Variants in USPL1 observed in about 807,000 individuals in gnomAD.
USPL1 encodes ubiquitin specific peptidase like 1, also known as SUMO-specific isopeptidase USPL1.
Under a neutral mutation model 51.5 loss-of-function variants are expected in USPL1, and 27 were observed. The ratio of observed to expected loss-of-function variants is 0.52; its 90% confidence interval spans 0.39 to 0.72. The LOEUF is 0.72. Among genes scored for constraint, USPL1 ranks in the 30% least tolerant of loss-of-function variants. The probability of loss-of-function intolerance (pLI) is 0.00; values close to 1 mark genes in which losing one functional copy is unlikely to be tolerated. For synonymous variants in USPL1, 451 were observed against 459.6 expected (o/e 0.98, Z 0.24); for missense variants, 1,226 against 1,268.0 (o/e 0.97, Z 0.50).
At chr13:30,622,129 AG>A (rs764882609) in intron 3 of USPL1, among the ~76,000 whole-genome samples, 3 of 151,992 alleles carry the variant, frequency 2.0e-5, no homozygotes, top group Admixed American at 1.3e-4. Context: ...ATACATTTCA[AG>A]GTTTTTTTCT....
At chr13:30,642,529 A>G (rs1191955939) in intron 5 of USPL1, 99 bp from the exon 6 acceptor site, 3 of 1,418,196 alleles carry the variant, frequency 2.1e-6, no homozygotes, top group Non-Finnish European at 2.9e-6. Flanking sequence ...ACACATATTC[A>G]TGCTGTAAAT....
At chr13:30,656,137 CTTAACCCCACACCACCTG>C (rs766736492) in intron 8 of USPL1, among the ~76,000 whole-genome samples, 2 of 152,346 alleles carry the variant, frequency 1.3e-5, no homozygotes, top group South Asian at 2.1e-4. Flanking sequence ...TATACCCTCC[CTTAACCCCACACCACCTG>C]TTAGCACCTA....
chr13:30,634,082 G>A (rs1950842748), intron 4 of USPL1, among the ~76,000 whole-genome samples: 1 of 152,122 alleles, frequency 6.6e-6, no homozygotes, highest in African/African-American at 2.4e-5. Context: ...ACTTAGAGAA[G>A]CATTTTACAG....
At chr13:30,632,250 A>G (rs1950817151) in intron 4 of USPL1, among the ~76,000 whole-genome samples, 2 of 151,936 alleles carry the variant, frequency 1.3e-5, no homozygotes, top group South Asian at 2.1e-4. Context: ...TTTGCTGAGA[A>G]TGATGGTTTC....
At chr13:30,640,096 TTAC>T (rs1950927457) in intron 5 of USPL1, among the ~76,000 whole-genome samples, 1 of 152,210 alleles carries the variant, frequency 6.6e-6, no homozygotes, top group Admixed American at 6.5e-5. Context: ...GCTGAAGATC[TTAC>T]TAATGAAATG....
rs1950798835 is a variant in USPL1, at chr13:30,631,148, A to G, written c.542A>G (p.Asp181Gly). 6.2e-7 allele frequency: 1 copy of G among 1,614,104 alleles called. No homozygotes were observed. Among genetic ancestry groups the G allele is most frequent in the East Asian group, 2.2e-5 (1 of 44,900 alleles). ...RNEILEADTV[D>G]MATTKDPATV... ...GAGATTTTGGAAGCTGATACTGTTGACATGGCTACTACAAAAGATCCTGCT... is the reference window on the plus strand; with the variant it reads ...GAGATTTTGGAAGCTGATACTGTTGGCATGGCTACTACAAAAGATCCTGCT... The change falls in exon 4 of 9, where the codon GAC becomes GGC. Residue 181 changes from aspartate to glycine, a missense_variant. Physicochemically the swap from Asp to Gly is moderately conservative, Grantham distance 94 (BLOSUM62 -1). Transcript: ENST00000255304.
Position 30,642,673 on chromosome 13 carries a change from T to G in USPL1, c.1028T>G (p.Leu343Arg). Residue 343 changes from leucine (L) to arginine (R), a missense_variant, in exon 6 of 9, where the codon CTA becomes CGA. By Grantham distance (102) the Leu-to-Arg change is moderately radical. Transcript: ENST00000255304. ...TTTGCATTTCCCCTGCTCTTAAAACTAGAAACCCACATTGAAAAGCTCTTC... is the reference window on the plus strand; with the variant it reads ...TTTGCATTTCCCCTGCTCTTAAAACGAGAAACCCACATTGAAAAGCTCTTC... The part of the protein sequence containing the change: ...PVFAFPLLLK[L>R]ETHIEKLFLY... 2.5e-6 allele frequency: 4 copies of G among 1,613,994 alleles called. No individual in the cohort carries two copies. The highest frequency in any genetic ancestry group is 3.4e-6 in the Non-Finnish European group (4 of 1,179,910).
At position 30,621,213 on chromosome 13, in the gene USPL1, C is replaced by G. The variant is rs377303663; in HGVS notation, c.73C>G (p.Leu25Val). The G allele has an allele frequency of 6.3e-7, 1 of 1,599,610 alleles. No homozygotes were observed. The highest frequency in any genetic ancestry group is 1.7e-5 in the Admixed American group (1 of 57,548). The stretch of plus-strand genomic sequence containing the variant: ...AGGGACTGATATAGGGATATCTTCA[C>G]TCCACATGGTGGGGTATTTGGGAAA... Reference protein sequence around the residue: ...GPGTDIGISSLHMVGYLGKNF... With the variant: ...GPGTDIGISSVHMVGYLGKNF... Residue 25 changes from leucine to valine, a missense_variant, in exon 2 of 9, where the codon CTC becomes GTC. Transcript: ENST00000255304.
Position 30,659,335 on chromosome 13 carries a change from A to G in USPL1, c.3258A>G (p.Glu1086=), listed in dbSNP as rs764158799. 18 of 1,595,828 alleles carry G rather than the reference A, an allele frequency of 1.1e-5. No individual in the cohort carries two copies. Among genetic ancestry groups the G allele is most frequent in the Non-Finnish European group, 1.5e-5 (18 of 1,171,462 alleles). The change falls in exon 9 of 9, where the codon GAA becomes GAG. Residue 1086 remains glutamate, a synonymous_variant. Coordinates refer to ENST00000255304, the MANE Select transcript of USPL1 (RefSeq NM_005800.5). ...CATTAGACCTACCTCATTTCGATGA[A>G]TATCTGTTTGAGAATTATTGAATTA... ...NDTLDLPHFD[E]YLFENY
chr13:30,644,012 C>T (rs1566055672), intron 6 of USPL1, among the ~76,000 whole-genome samples: 2 of 151,944 alleles, frequency 1.3e-5, no homozygotes, highest in Non-Finnish European at 2.9e-5. Context: ...AGGCCGGGCA[C>T]AGTGGCTCAC....
chr13:30,658,951 T>A lies in USPL1; in HGVS notation c.2874T>A (p.Pro958=). 6.2e-7 allele frequency: 1 copy of A among 1,614,234 alleles called. No homozygotes were observed. The change falls in exon 9 of 9, where the codon CCT becomes CCA. Residue 958 remains proline (P), a synonymous_variant. Coordinates refer to ENST00000255304, the MANE Select transcript of USPL1 (RefSeq NM_005800.5). ...GTGAGTCTGCATGCACCACTGTTCC[T>A]GGTGTTTCCCTGTACAGTAGTCAAA... ...IASESACTTV[P]GVSLYSSQTH...
At position 30,642,799 on chromosome 13, in the gene USPL1, T is replaced by C. The variant is rs1425676603; in HGVS notation, c.1112+42T>C. The C allele has an allele frequency of 3.8e-6, 6 of 1,594,068 alleles. No homozygotes were observed. The South Asian group carries it at 4.5e-5, about 12-fold the overall frequency. ...TTTTAAAATGGGTTCTTCTAGTTTC[T>C]CCACCACTAAGGTTAAGAGAACAAT... On this transcript the variant is annotated intron_variant, in intron 6 of 8. Transcript: ENST00000255304.
Position 30,631,117 on chromosome 13 carries a change from C to T in USPL1, c.511C>T (p.Arg171Trp), listed in dbSNP as rs187990879. 1.5e-5 allele frequency: 24 copies of T among 1,614,082 alleles called. No individual in the cohort carries two copies. The East Asian group carries it at 2.5e-4, about 16-fold the overall frequency. The change falls in exon 4 of 9, where the codon CGG (arginine) becomes TGG (tryptophan). Residue 171 changes from arginine (R) to tryptophan (W), a missense_variant. Physicochemically the swap from Arg to Trp is moderately radical, Grantham distance 101. Transcript: ENST00000255304. Reference sequence around the variant, plus strand: ...AATTAGGACAGCTGATTCCTTGGAGCGGAATGAGATTTTGGAAGCTGATAC... The same window carrying T: ...AATTAGGACAGCTGATTCCTTGGAGTGGAATGAGATTTTGGAAGCTGATAC... Reference protein sequence around the residue: ...NPIRTADSLERNEILEADTVD... With the variant: ...NPIRTADSLEWNEILEADTVD...
At chr13:30,628,885 G>C (rs1387584622) in intron 3 of USPL1, among the ~76,000 whole-genome samples, 1 of 152,094 alleles carries the variant, frequency 6.6e-6, no homozygotes, top group African/African-American at 2.4e-5. Context: ...TTCTGCTTTT[G>C]AGTTTTTTTT....
chr13:30,642,508 A>C lies in USPL1; in HGVS notation c.983-120A>C. On this transcript the variant is annotated intron_variant, in intron 5 of 8. Coordinates refer to ENST00000255304, the MANE Select transcript of USPL1 (RefSeq NM_005800.5). ...CCAACTCTGAGTGACTTATTGTGTC[A>C]TACTGTATTAACACATATTCATGCT... The C allele has an allele frequency of 2.5e-6, 3 of 1,207,734 alleles. No homozygotes were observed. The South Asian group carries it at 5.4e-5, about 22-fold the overall frequency. The allele number at this position is 1,207,734 out of a possible 1,614,324, so 74.8% of individuals were successfully genotyped here.
At position 30,630,685 on chromosome 13, in the gene USPL1, T is replaced by C. The variant is rs1950789548; in HGVS notation, c.229-150T>C. 3.6e-6 allele frequency: 3 copies of C among 824,324 alleles called. No homozygotes were observed. In the East Asian group the frequency reaches 9.0e-5, roughly 25 times the overall value. 51.1% of individuals were successfully genotyped at this position (824,324 alleles called of 1,614,324 possible). On this transcript the variant is annotated intron_variant, in intron 3 of 8. Coordinates refer to ENST00000255304, the MANE Select transcript of USPL1 (RefSeq NM_005800.5). The stretch of plus-strand genomic sequence containing the variant: ...AAACTTTTGATTAAGTAGTTGTTTG[T>C]CTCTAATTTTTTCAAATTTATGTGT...
chr13:30,619,792 C>G (rs937993032), intron 1 of USPL1, among the ~76,000 whole-genome samples: 6 of 152,034 alleles, frequency 3.9e-5, no homozygotes, highest in Non-Finnish European at 7.4e-5. Flanking sequence ...ATAAATAGAA[C>G]CAGCCAAAGG....
Position 30,657,822 on chromosome 13 carries a change from A to G in USPL1, c.1745A>G (p.Asn582Ser), listed in dbSNP as rs376491958. 42 of 1,613,938 alleles carry G rather than the reference A, an allele frequency of 2.6e-5. No homozygotes were observed. The highest frequency in any genetic ancestry group is 1.9e-4 in the African/African-American group (14 of 74,944). Residue 582 changes from asparagine (N) to serine (S), a missense_variant, in exon 9 of 9, where the codon AAT (asparagine) becomes AGT (serine). Asn to Ser is a conservative substitution (Grantham distance 46). Coordinates refer to ENST00000255304, the MANE Select transcript of USPL1 (RefSeq NM_005800.5). ...LLSGPKGLVD[N>S]ILPLTLEETI... ...TCAGGTCCAAAAGGTTTGGTTGACA[A>G]TATTTTACCTCTGACACTTGAAGAA...
intron 3 of USPL1, among the ~76,000 whole-genome samples, chr13:30,622,646 C>A (rs190386065): frequency 1.4e-3 from 211 of 152,238 alleles, no homozygotes; most frequent in African/African-American, 4.9e-3. Flanking sequence ...AAAAAATTAG[C>A]AGTTCATCAG....
Sources: allele counts gnomAD v4.1 joint callset (sites outside exome capture counted in the v4.1 genomes callset), GRCh38; gene constraint gnomAD v4.1.1; transcripts MANE v1.5; gene names NCBI Gene and HGNC (gene_info 2026-07-23, HGNC 2026-07-21).